ZMAT4: variants seen among roughly 807,000 people sequenced by gnomAD.
ZMAT4 encodes zinc finger matrin-type protein 4.
A neutral mutation model predicts 28.7 loss-of-function variants in ZMAT4; 17 were observed. The observed-to-expected ratio is 0.59, with a 90% CI of 0.41 to 0.89. The LOEUF is 0.89. Ranked by LOEUF, ZMAT4 falls within the 40% of genes least tolerant of loss-of-function variation. The pLI is 0.00. For synonymous variants in ZMAT4, 117 were observed against 109.2 expected (o/e 1.07, Z -0.44); for missense variants, 240 against 283.8 (o/e 0.85, Z 1.11).
intron 2 of ZMAT4, among the ~76,000 whole-genome samples, chr8:40,802,658 A>G (rs1814902048): frequency 6.6e-6 from 1 of 152,188 alleles, no homozygotes; most frequent in Non-Finnish European, 1.5e-5. Flanking sequence ...TATAGATTCA[A>G]TTCAATCCCA....
At chr8:40,805,600 T>C (rs952265285) in intron 2 of ZMAT4, among the ~76,000 whole-genome samples, 1 of 137,218 alleles carries the variant, frequency 7.3e-6, no homozygotes, top group Admixed American at 7.3e-5. Context: ...CATGGAATAC[T>C]ATGCAGCCAT....
At chr8:40,767,050 C>T in intron 3 of ZMAT4, among the ~76,000 whole-genome samples, 1 of 152,180 alleles carries the variant, frequency 6.6e-6, no homozygotes, top group East Asian at 1.9e-4. Flanking sequence ...ATATTTATTT[C>T]ATCAGCCTTT....
At chr8:40,683,433 G>T (rs1320682581) in intron 4 of ZMAT4, among the ~76,000 whole-genome samples, 1 of 152,208 alleles carries the variant, frequency 6.6e-6, no homozygotes, top group Non-Finnish European at 1.5e-5. Context: ...ATGACACAAT[G>T]AACTAAGTCA....
intron 2 of ZMAT4, among the ~76,000 whole-genome samples, chr8:40,773,566 T>C (rs1230674402): frequency 1.3e-5 from 2 of 151,918 alleles, no homozygotes; most frequent in African/African-American, 4.8e-5. Flanking sequence ...ATCAAGGAAA[T>C]TAAGCAATTG....
chr8:40,687,771 T>C (rs1280193767), intron 4 of ZMAT4, among the ~76,000 whole-genome samples: 1 of 152,204 alleles, frequency 6.6e-6, no homozygotes, highest in Non-Finnish European at 1.5e-5. Context: ...TTTTGCTAAC[T>C]GAAAATGAAA....
rs182455215 is a variant in ZMAT4 at position 40,817,609 on chromosome 8, T to C, written c.102+7966A>G. ...TTTTTCTGGTTGAGAAATGTCACTG[T>C]TATCGTCACCATTGAAAAGTGTAGG... is the stretch of plus-strand genomic sequence containing the variant. On this transcript the variant is annotated intron_variant, in intron 2 of 6. Coordinates refer to ENST00000297737, the MANE Select transcript of ZMAT4 (RefSeq NM_024645.3). Among the ~76,000 whole-genome samples, 16 of 152,324 alleles carry C rather than the reference T, an allele frequency of 1.1e-4. No homozygotes were observed. The East Asian group carries it at 3.1e-3, about 29-fold the overall frequency.
chr8:40,674,611 A>T, intron 5 of ZMAT4, 93 bp downstream of exon 5: 1 of 1,044,702 alleles, frequency 9.6e-7, no homozygotes, highest in Non-Finnish European at 1.4e-6. Context: ...CTTAATAATT[A>T]AAGCAAGAAG....
intron 3 of ZMAT4, among the ~76,000 whole-genome samples, chr8:40,744,814 AAT>A (rs1656390817): frequency 2.0e-5 from 3 of 152,192 alleles, no homozygotes; most frequent in Admixed American, 2.0e-4. Context: ...GTCAAACAAA[AAT>A]AACAAGTAAG....
At chr8:40,612,961 C>T (rs569826977) in intron 5 of ZMAT4, among the ~76,000 whole-genome samples, 42 of 150,358 alleles carry the variant, frequency 2.8e-4, no homozygotes, top group African/African-American at 9.0e-4. Flanking sequence ...TACAGGTGCC[C>T]GCCACCAGGG....
chr8:40,841,640 A>G (rs1001470311), intron 1 of ZMAT4, among the ~76,000 whole-genome samples: 1 of 152,148 alleles, frequency 6.6e-6, no homozygotes, highest in Admixed American at 6.5e-5. Flanking sequence ...CTCTTCCTCT[A>G]GACTGTGAGC....
At chr8:40,560,736 C>G (rs967133267) in intron 6 of ZMAT4, among the ~76,000 whole-genome samples, 2 of 152,124 alleles carry the variant, frequency 1.3e-5, no homozygotes, top group Non-Finnish European at 2.9e-5. Flanking sequence ...AAAGAAACAG[C>G]TGCTATGACT....
chr8:40,886,471 T>A (rs1430490165), intron 1 of ZMAT4, among the ~76,000 whole-genome samples: 1 of 151,908 alleles, frequency 6.6e-6, no homozygotes, highest in African/African-American at 2.4e-5. Flanking sequence ...AGGCTTGGAG[T>A]CGCCCACTCA....
intron 6 of ZMAT4, among the ~76,000 whole-genome samples, chr8:40,571,533 C>T (rs541951168): frequency 1.4e-4 from 21 of 152,106 alleles, no homozygotes; most frequent in Non-Finnish European, 2.6e-4. Context: ...TAGAAAGCAG[C>T]CTTTGGCCCA....
At chr8:40,847,397 A>G (rs76898143) in intron 1 of ZMAT4, among the ~76,000 whole-genome samples, 2,041 of 152,296 alleles carry the variant, frequency 0.013, 28 homozygotes, top group Non-Finnish European at 0.02. Flanking sequence ...TGTCTACATG[A>G]TGTCAGGAAG....
At chr8:40,672,366 C>T (rs1294684983) in intron 5 of ZMAT4, among the ~76,000 whole-genome samples, 6 of 152,002 alleles carry the variant, frequency 3.9e-5, no homozygotes, top group African/African-American at 1.2e-4. Context: ...ACCATAGTTG[C>T]TTTATTCTTA....
At chr8:40,847,374 C>T (rs577063810) in intron 1 of ZMAT4, among the ~76,000 whole-genome samples, 359 of 152,288 alleles carry the variant, frequency 2.4e-3, no homozygotes, top group Non-Finnish European at 4.0e-3. Context: ...GGAAAGCGCT[C>T]CTCAAACCAC....
chr8:40,609,152 A>T (rs1300525827), intron 5 of ZMAT4, among the ~76,000 whole-genome samples: 1 of 152,216 alleles, frequency 6.6e-6, no homozygotes, highest in Non-Finnish European at 1.5e-5. Flanking sequence ...CTTTAGCAAA[A>T]TTCTATAAAA....
chr8:40,788,446 G>A (rs764382811), intron 2 of ZMAT4, among the ~76,000 whole-genome samples: 6 of 152,078 alleles, frequency 3.9e-5, no homozygotes, highest in Admixed American at 6.6e-5. Flanking sequence ...TTAGCCGGGC[G>A]TGGTGGCGGG....
intron 1 of ZMAT4, among the ~76,000 whole-genome samples, chr8:40,852,218 C>T (rs1367966865): frequency 6.6e-6 from 1 of 152,184 alleles, no homozygotes; most frequent in Admixed American, 6.5e-5. Context: ...CCCAGCCCCA[C>T]TGCCCCTCCC....
Sources: gnomAD v4.1 joint callset for allele counts (sites outside exome capture counted in the v4.1 genomes callset) on GRCh38, gnomAD v4.1.1 for gene constraint, MANE v1.5 for transcripts, NCBI Gene and HGNC (gene_info 2026-07-23, HGNC 2026-07-21) for gene names.